Variants in SDK1 observed in about 807,000 individuals in gnomAD.
SDK1 encodes the protein protein sidekick-1.
In SDK1, 157 loss-of-function variants were observed where a neutral mutation model predicts 245.5. The observed-to-expected ratio is 0.64, with a 90% CI of 0.56 to 0.73. The LOEUF (loss-of-function observed/expected upper bound fraction) is 0.73. Among genes scored for constraint, SDK1 ranks in the 30% least tolerant of loss-of-function variants. The pLI is 0.00. For synonymous variants in SDK1, 1,647 were observed against 1,278.5 expected (o/e 1.29, Z -6.15); for missense variants, 3,583 against 3,002.3 (o/e 1.19, Z -4.52).
intron 23 of SDK1, among the ~76,000 whole-genome samples, chr7:4,111,443 A>G (rs1343295062): frequency 1.3e-5 from 2 of 152,230 alleles, no homozygotes; most frequent in African/African-American, 2.4e-5. Flanking sequence ...ATGAAAGAAT[A>G]GGAATTAGTA....
At chr7:3,502,860 T>C (rs1782263753) in intron 1 of SDK1, among the ~76,000 whole-genome samples, 1 of 152,198 alleles carries the variant, frequency 6.6e-6, no homozygotes, top group African/African-American at 2.4e-5. Context: ...GCAAATTGTT[T>C]TCTTGTTCTG....
At chr7:3,520,100 G>A (rs570152059) in intron 1 of SDK1, among the ~76,000 whole-genome samples, 1 of 152,270 alleles carries the variant, frequency 6.6e-6, no homozygotes, top group East Asian at 1.9e-4. Context: ...TTGCCATTGT[G>A]TCAGGCAAGT....
intron 2 of SDK1, among the ~76,000 whole-genome samples, chr7:3,631,795 A>T (rs1285976598): frequency 1.3e-5 from 2 of 152,232 alleles, no homozygotes; most frequent in Non-Finnish European, 2.9e-5. Context: ...TGTGGAAGCT[A>T]AGTGAAGACC....
chr7:3,710,755 T>C (rs970437014), intron 4 of SDK1, among the ~76,000 whole-genome samples: 5 of 152,194 alleles, frequency 3.3e-5, no homozygotes, highest in African/African-American at 1.2e-4. Context: ...GGGCCAACAA[T>C]CTTGGCAGCC....
At chr7:4,206,027 C>T (rs1273310232) in intron 36 of SDK1, 33 bp downstream of exon 36, 15 of 1,384,906 alleles carry the variant, frequency 1.1e-5, no homozygotes, top group Non-Finnish European at 1.5e-5. Context: ...CCTCCCCTGG[C>T]TCGCTTGGGC....
intron 1 of SDK1, among the ~76,000 whole-genome samples, chr7:3,329,186 A>C (rs1780006846): frequency 6.6e-6 from 1 of 152,182 alleles, no homozygotes; most frequent in South Asian, 2.1e-4. Flanking sequence ...ATATCATTTT[A>C]CATTTTGCAG....
chr7:3,710,198 C>A (rs891446852), intron 4 of SDK1, among the ~76,000 whole-genome samples: 1 of 152,178 alleles, frequency 6.6e-6, no homozygotes, highest in African/African-American at 2.4e-5. Flanking sequence ...TAACATGCAG[C>A]AGTTAATTAT....
At chr7:4,155,900 C>A (rs62438230) in intron 30 of SDK1, among the ~76,000 whole-genome samples, 11 of 152,152 alleles carry the variant, frequency 7.2e-5, no homozygotes, top group Non-Finnish European at 1.2e-4. Context: ...TGTCACCCAT[C>A]ATGATGCAGA....
intron 1 of SDK1, among the ~76,000 whole-genome samples, chr7:3,569,404 C>T (rs1406365170): frequency 6.6e-6 from 1 of 152,206 alleles, no homozygotes; most frequent in African/African-American, 2.4e-5. Context: ...GAGATAATCT[C>T]TGAGAAGTAC....
At chr7:3,580,010 A>C (rs189702414) in intron 1 of SDK1, among the ~76,000 whole-genome samples, 1 of 152,318 alleles carries the variant, frequency 6.6e-6, no homozygotes, top group East Asian at 1.9e-4. Context: ...ATCCAAGCTG[A>C]GAGCCAAGTA....
intron 1 of SDK1, among the ~76,000 whole-genome samples, chr7:3,319,060 C>CA (rs946797720): frequency 6.6e-5 from 10 of 152,012 alleles, no homozygotes; most frequent in Non-Finnish European, 1.0e-4. Context: ...ATGGGAAGGA[C>CA]AAAAAACCGC....
chr7:3,912,159 G>A (rs1262606205), intron 5 of SDK1, among the ~76,000 whole-genome samples: 1 of 152,216 alleles, frequency 6.6e-6, no homozygotes, highest in Non-Finnish European at 1.5e-5. Flanking sequence ...TAAAGCCGAG[G>A]AGCTACGTGA....
At chr7:4,241,684 C>T (rs1373757617) in intron 42 of SDK1, 109 bp from the exon 43 acceptor site, 3 of 1,385,596 alleles carry the variant, frequency 2.2e-6, no homozygotes, top group African/African-American at 2.9e-5. Flanking sequence ...GCTCTGGGCT[C>T]TGCGTGCAGC....
At chr7:3,792,064 G>A (rs1406573677) in intron 4 of SDK1, among the ~76,000 whole-genome samples, 1 of 152,030 alleles carries the variant, frequency 6.6e-6, no homozygotes, top group East Asian at 1.9e-4. Flanking sequence ...GGAGTTCAAG[G>A]CTGCAGTGAG....
At chr7:3,983,793 A>C (rs898561013) in intron 13 of SDK1, among the ~76,000 whole-genome samples, 1 of 152,142 alleles carries the variant, frequency 6.6e-6, no homozygotes, top group African/African-American at 2.4e-5. Flanking sequence ...TTTCCTTCCA[A>C]TGCTTGAGTC....
Position 4,074,916 on chromosome 7 carries a change from A to ATTTT in SDK1, c.3011-2070_3011-2067dup, listed in dbSNP as rs55899344. 5.9e-4 allele frequency among the ~76,000 whole-genome samples: 38 copies of ATTTT among 64,600 alleles called. 2 individuals are homozygous for ATTTT. Among genetic ancestry groups the ATTTT allele is most frequent in the African/African-American group, 8.3e-4 (7 of 8,476 alleles). 42.4% of individuals were successfully genotyped at this position (64,600 alleles called of 152,430 possible). The stretch of plus-strand genomic sequence containing the variant: ...TATATATATATATATATATATATAT[A>ATTTT]TTTTTTTTTTTTTTTAATAAAGTTA... On this transcript the variant is annotated intron_variant, in intron 20 of 44. Coordinates refer to ENST00000404826, the MANE Select transcript of SDK1 (RefSeq NM_152744.4).
chr7:3,900,855 C>T (rs1238087443), intron 5 of SDK1, among the ~76,000 whole-genome samples: 1 of 152,164 alleles, frequency 6.6e-6, no homozygotes, highest in Non-Finnish European at 1.5e-5. Context: ...AACATAACCA[C>T]CATAAAATCA....
intron 4 of SDK1, among the ~76,000 whole-genome samples, chr7:3,720,853 T>A (rs1443578263): frequency 2.0e-5 from 3 of 152,220 alleles, no homozygotes; most frequent in African/African-American, 7.2e-5. Context: ...TCAAATATCT[T>A]GCAATAGACA....
chr7:3,512,980 G>T (rs1782629768), intron 1 of SDK1, among the ~76,000 whole-genome samples: 1 of 152,064 alleles, frequency 6.6e-6, no homozygotes, highest in Non-Finnish European at 1.5e-5. Context: ...TGAGATGATT[G>T]TGCCTGAAAA....
Sources: allele counts gnomAD v4.1 joint callset (sites outside exome capture counted in the v4.1 genomes callset), GRCh38; gene constraint gnomAD v4.1.1; transcripts MANE v1.5; gene names NCBI Gene and HGNC (gene_info 2026-07-23, HGNC 2026-07-21).